The following HK1 variants were observed in gnomAD, a reference collection of about 807,000 sequenced individuals.
HK1 encodes the protein hexokinase 1.
In HK1, 28 loss-of-function variants were observed where a neutral mutation model predicts 91.6. The observed-to-expected ratio is 0.31, with a 90% CI of 0.23 to 0.42. The LOEUF is 0.42. Ranked by LOEUF, HK1 falls within the 10% of genes least tolerant of loss-of-function variation. The probability of loss-of-function intolerance (pLI) is 1.00; values close to 1 mark genes in which losing one functional copy is unlikely to be tolerated. For missense variants in HK1, 770 were observed against 1,219.8 expected (o/e 0.63, Z 5.49); for synonymous variants, 430 against 468.1 (o/e 0.92, Z 1.05).
At chr10:69,339,760 A>G (rs1442445190) in intron 1 of HK1, among the ~76,000 whole-genome samples, 1 of 152,224 alleles carries the variant, frequency 6.6e-6, no homozygotes, top group African/African-American at 2.4e-5. Context: ...AAACCCCAAC[A>G]GCTCTACTTG....
chr10:69,310,878 G>A (rs1270988184), upstream of HK1, among the ~76,000 whole-genome samples: 1 of 152,156 alleles, frequency 6.6e-6, no homozygotes, highest in Non-Finnish European at 1.5e-5. Flanking sequence ...CCAAAATGGT[G>A]AAACCCTGTC....
intron 2 of HK1, among the ~76,000 whole-genome samples, chr10:69,351,094 G>A (rs1022940053): frequency 2.6e-5 from 4 of 151,552 alleles, no homozygotes; most frequent in Middle Eastern, 3.2e-3. Context: ...AGAATGATGT[G>A]AACCTGGGAG....
chr10:69,361,798 A>G (rs977777461), intron 3 of HK1, among the ~76,000 whole-genome samples: 2 of 152,146 alleles, frequency 1.3e-5, no homozygotes, highest in Admixed American at 6.5e-5. Context: ...ATAATGTAGT[A>G]CCATTATAGC....
intron 3 of HK1, among the ~76,000 whole-genome samples, chr10:69,295,261 C>T (rs559507075): frequency 1.1e-4 from 17 of 152,246 alleles, no homozygotes; most frequent in African/African-American, 3.4e-4. Context: ...AGGCCTCTGC[C>T]GCAGCTCCGG....
At chr10:69,356,848 C>T (rs185088087) in intron 2 of HK1, among the ~76,000 whole-genome samples, 60 of 147,120 alleles carry the variant, frequency 4.1e-4, no homozygotes, top group Non-Finnish European at 2.5e-4. Context: ...GAGCCACTGC[C>T]CTCCAAGCTG....
intron 3 of HK1, among the ~76,000 whole-genome samples, chr10:69,293,356 TC>T (rs923619292): frequency 2.0e-5 from 3 of 152,176 alleles, no homozygotes; most frequent in Non-Finnish European, 4.4e-5. Flanking sequence ...CATGAAGTAT[TC>T]CAGCAACCAG....
intron 1 of HK1, among the ~76,000 whole-genome samples, chr10:69,323,222 G>T (rs1438729848): frequency 1.3e-5 from 2 of 149,538 alleles, no homozygotes; most frequent in Non-Finnish European, 3.0e-5. Flanking sequence ...TCCAGCCTGG[G>T]CAACAGAGCG....
At chr10:69,281,903 G>A (rs993091827) in intron 1 of HK1, among the ~76,000 whole-genome samples, 4 of 152,180 alleles carry the variant, frequency 2.6e-5, no homozygotes, top group African/African-American at 9.7e-5. Flanking sequence ...CCAACCAGAG[G>A]TTTGCCTGCT....
intron 1 of HK1, among the ~76,000 whole-genome samples, chr10:69,319,897 T>G (rs753694998): frequency 1.3e-4 from 19 of 151,076 alleles, no homozygotes; most frequent in African/African-American, 2.4e-5. Context: ...GACGCCCGTT[T>G]TATCAGTGCC....
intron 3 of HK1, chr10:69,288,822 C>A: frequency 6.6e-7 from 1 of 1,507,004 alleles, no homozygotes; most frequent in Non-Finnish European, 9.2e-7. Flanking sequence ...GTTTTTGTTC[C>A]ATCGCCCAGG....
Position 69,359,830 on chromosome 10 carries a change from C to T in HK1, c.227-67C>T, listed in dbSNP as rs547116372. The T allele has an allele frequency of 9.8e-5, 146 of 1,485,328 alleles. No homozygotes were observed. In the Admixed American group the frequency reaches 1.4e-3, roughly 14 times the overall value. The allele number at this position is 1,485,328 out of a possible 1,614,324, so 92.0% of individuals were successfully genotyped here. A position where few individuals can be genotyped will look rare whatever the true frequency, so the allele number is the denominator to read the frequency against. On this transcript the variant is annotated intron_variant, in intron 2 of 17. Transcript: ENST00000359426. ...ACAGGGCCTACGCCCTGCCAGGAAG[C>T]GGGCATGGTATGTGGCTTCCCCTTA...
chr10:69,292,457 C>T, intron 3 of HK1: 1 of 332,452 alleles, frequency 3.0e-6, no homozygotes, highest in Non-Finnish European at 5.9e-6. Flanking sequence ...ATGGATTACC[C>T]CTGATTCTTA....
chr10:69,287,597 G>A (rs532055188), intron 2 of HK1, among the ~76,000 whole-genome samples: 2 of 152,288 alleles, frequency 1.3e-5, no homozygotes, highest in African/African-American at 4.8e-5. Flanking sequence ...GTTGCCAGGG[G>A]CTGGGGGAAG....
chr10:69,297,760 G>A (rs777922956), intron 4 of HK1, among the ~76,000 whole-genome samples: 1 of 150,788 alleles, frequency 6.6e-6, no homozygotes, highest in Non-Finnish European at 1.5e-5. Flanking sequence ...GCCAGACATG[G>A]TGGTGTGCAT....
At chr10:69,355,667 C>T (rs1436000800) in intron 2 of HK1, among the ~76,000 whole-genome samples, 1 of 152,148 alleles carries the variant, frequency 6.6e-6, no homozygotes, top group African/African-American at 2.4e-5. Flanking sequence ...TGGCACACGC[C>T]TGTAATCCTA....
intron 4 of HK1, among the ~76,000 whole-genome samples, chr10:69,366,925 C>T (rs571976139): frequency 1.3e-5 from 2 of 152,348 alleles, no homozygotes; most frequent in South Asian, 4.1e-4. Flanking sequence ...ATCCCTGTGC[C>T]AGGCATGGGC....
At chr10:69,314,958 G>A (rs758784204), upstream of HK1, among the ~76,000 whole-genome samples, 6 of 152,226 alleles carry the variant, frequency 3.9e-5, no homozygotes, top group South Asian at 2.1e-4. Context: ...GAGCCACTGC[G>A]CCTGGCCAAT....
At chr10:69,284,554 G>A (rs12259682) in intron 2 of HK1, among the ~76,000 whole-genome samples, 1 of 152,080 alleles carries the variant, frequency 6.6e-6, no homozygotes, top group Non-Finnish European at 1.5e-5. Flanking sequence ...TGGCTCACTC[G>A]TGTAATCCCA....
chr10:69,288,127 C>T (rs1404255774), intron 2 of HK1, among the ~76,000 whole-genome samples: 7 of 152,194 alleles, frequency 4.6e-5, no homozygotes, highest in Admixed American at 4.6e-4. Flanking sequence ...GCACTCCAAC[C>T]TGGTCAACGG....
Sources: allele counts gnomAD v4.1 joint callset (sites outside exome capture counted in the v4.1 genomes callset), GRCh38; gene constraint gnomAD v4.1.1; transcripts MANE v1.5; gene names NCBI Gene and HGNC (gene_info 2026-07-23, HGNC 2026-07-21).